Variants in EHBP1 observed in about 807,000 individuals in gnomAD.
EHBP1 encodes EH domain binding protein 1, also known as EH domain-binding protein 1.
EHBP1 carries 55 observed loss-of-function variants against 144.0 expected under a neutral mutation model. That is an observed-to-expected ratio of 0.38 (90% CI 0.31 to 0.48). EHBP1 has a LOEUF of 0.48. EHBP1 is among the 20% of genes least tolerant of loss of function. The probability of loss-of-function intolerance (pLI) is 0.98; values close to 1 mark genes in which losing one functional copy is unlikely to be tolerated. For synonymous variants in EHBP1, 469 were observed against 472.7 expected (o/e 0.99, Z 0.10); for missense variants, 1,200 against 1,364.2 (o/e 0.88, Z 1.90).
chr2:62,703,778 A>G (rs746635594), upstream of EHBP1, among the ~76,000 whole-genome samples: 1 of 152,230 alleles, frequency 6.6e-6, no homozygotes, highest in Non-Finnish European at 1.5e-5. Flanking sequence ...GACACCATTT[A>G]AAACTTATTA....
intron 5 of EHBP1, among the ~76,000 whole-genome samples, chr2:62,798,098 G>A (rs1013270394): frequency 6.6e-6 from 1 of 152,198 alleles, no homozygotes; most frequent in African/African-American, 2.4e-5. Flanking sequence ...CGGGTGTGGT[G>A]GCTCACGCCT....
chr2:62,773,850 C>CAAAAAAAAAAAAAAA (rs570715468), intron 5 of EHBP1, among the ~76,000 whole-genome samples: 9 of 41,540 alleles, frequency 2.2e-4, no homozygotes, highest in South Asian at 1.5e-3. Flanking sequence ...GACTCCATCT[C>CAAAAAAAAAAAAAAA]AAAAAAAAAA....
chr2:62,775,504 C>G (rs756445559), intron 5 of EHBP1, among the ~76,000 whole-genome samples: 3 of 152,102 alleles, frequency 2.0e-5, no homozygotes, highest in Non-Finnish European at 4.4e-5. Flanking sequence ...CCTTTCTTTT[C>G]TTTGCACATT....
At chr2:62,868,411 G>C (rs976047057) in intron 9 of EHBP1, among the ~76,000 whole-genome samples, 1 of 152,024 alleles carries the variant, frequency 6.6e-6, no homozygotes, top group Non-Finnish European at 1.5e-5. Flanking sequence ...TCTAGAAGAG[G>C]ACATAGGAAA....
intron 1 of EHBP1, among the ~76,000 whole-genome samples, chr2:62,678,591 T>G (rs1051778848): frequency 1.3e-5 from 2 of 152,196 alleles, no homozygotes; most frequent in African/African-American, 4.8e-5. Context: ...TACATTAGCT[T>G]ATTTGAGTTC....
In EHBP1 at chr2:62,942,722, G is replaced by T; in HGVS notation, c.1190G>T (p.Ser397Ile). 1 of 1,589,672 alleles carries T rather than the reference G, an allele frequency of 6.3e-7. No individual in the cohort carries two copies. Among genetic ancestry groups the T allele is most frequent in the Admixed American group, 1.8e-5 (1 of 56,762 alleles). ...GKDLSTSPKP[S>I]PIPSPVLGRK... The stretch of plus-strand genomic sequence containing the variant: ...CCCCTTTTCATTTTTTTCTAGCCAA[G>T]CCCTATACCAAGTCCTGTTTTGGGG... Residue 397 changes from serine (S) to isoleucine (I), a missense_variant, in exon 11 of 23, where the codon AGC becomes ATC. Transcript: ENST00000431489.
At chr2:62,904,178 G>T (rs1053907940) in intron 10 of EHBP1, among the ~76,000 whole-genome samples, 16 of 152,192 alleles carry the variant, frequency 1.1e-4, no homozygotes, top group African/African-American at 3.9e-4. Context: ...AAGGATTCTT[G>T]AAGGAAGTGA....
chr2:62,696,508 C>CTTTTTT (rs869081763), intron 1 of EHBP1, among the ~76,000 whole-genome samples: 30 of 76,782 alleles, frequency 3.9e-4, no homozygotes, highest in East Asian at 1.2e-3. Context: ...TTTTTTTCTT[C>CTTTTTT]TTTTTTTTTT....
chr2:63,005,810 A>G (rs2060014202), intron 19 of EHBP1, among the ~76,000 whole-genome samples: 1 of 151,984 alleles, frequency 6.6e-6, no homozygotes, highest in South Asian at 2.1e-4. Flanking sequence ...AAAAACAATC[A>G]CTATGTATTA....
chr2:62,861,211 C>T lies in EHBP1; in HGVS notation c.757+1920C>T, dbSNP rs117406658. Among the ~76,000 whole-genome samples, 57 of 145,562 alleles carry T rather than the reference C, an allele frequency of 3.9e-4. No homozygotes were observed. In the East Asian group the frequency reaches 0.012, roughly 30 times the overall value. On this transcript the variant is annotated intron_variant, in intron 8 of 22. Transcript: ENST00000431489. ...GTGGCACATTCTCGGCTCACTGCAA[C>T]GTCCAACTCTCGGGTTCAAGCGTTT...
At chr2:62,797,923 T>C (rs2043660868) in intron 5 of EHBP1, among the ~76,000 whole-genome samples, 1 of 152,158 alleles carries the variant, frequency 6.6e-6, no homozygotes, top group Non-Finnish European at 1.5e-5. Flanking sequence ...ACTAGGTAAC[T>C]AAACAAATGA....
intron 5 of EHBP1, among the ~76,000 whole-genome samples, chr2:62,800,802 CTA>C (rs1170173057): frequency 1.3e-5 from 2 of 152,150 alleles, no homozygotes; most frequent in Non-Finnish European, 2.9e-5. Flanking sequence ...TCTTTAATGT[CTA>C]TGAAAGAAGC....
chr2:62,948,850 T>C lies in EHBP1; in HGVS notation c.2004T>C (p.Ser668=), dbSNP rs1201080569. ...TAGAATTGAGTGACTTATATGTTAG[T>C]GATAAGAAGAAGGATATGTCTCCAC... ...ETLELSDLYV[S]DKKKDMSPPF... is the part of the protein sequence containing the mutation. The change falls in exon 13 of 23, where the codon AGT becomes AGC. Residue 668 remains serine (S), a synonymous_variant. Transcript: ENST00000431489. 1.2e-6 allele frequency: 2 copies of C among 1,613,936 alleles called. No individual in the cohort carries two copies. Among genetic ancestry groups the C allele is most frequent in the Non-Finnish European group, 1.7e-6 (2 of 1,179,978 alleles).
At chr2:62,681,359 T>TATATATATATATATAA (rs1553363754) in intron 1 of EHBP1, among the ~76,000 whole-genome samples, 1 of 78,356 alleles carries the variant, frequency 1.3e-5, no homozygotes, top group African/African-American at 5.3e-5. Flanking sequence ...TATATATATA[T>TATATATATATATATAA]AATGTGTATA....
intron 6 of EHBP1, among the ~76,000 whole-genome samples, chr2:62,826,967 C>T (rs972513305): frequency 2.0e-5 from 3 of 152,066 alleles, no homozygotes; most frequent in African/African-American, 7.2e-5. Flanking sequence ...AGGGTTCGTA[C>T]CTACATGGAG....
chr2:62,902,547 T>C (rs987004813), intron 10 of EHBP1, among the ~76,000 whole-genome samples: 32 of 152,310 alleles, frequency 2.1e-4, no homozygotes, highest in African/African-American at 7.7e-4. Flanking sequence ...TTTTCAAAAA[T>C]ATGGATGGCT....
intron 5 of EHBP1, among the ~76,000 whole-genome samples, chr2:62,811,962 T>A (rs1234498122): frequency 1.3e-5 from 2 of 152,116 alleles, no homozygotes; most frequent in Non-Finnish European, 2.9e-5. Flanking sequence ...TGTTGAGAGG[T>A]GGGACCTTTA....
intron 21 of EHBP1, 22 bp downstream of exon 21, chr2:63,038,838 T>A: frequency 6.3e-7 from 1 of 1,599,134 alleles, no homozygotes; most frequent in Non-Finnish European, 8.6e-7. Flanking sequence ...TATGGTGGGG[T>A]GAGGTATGTG....
At chr2:62,730,749 GAGAA>G (rs778307814) in intron 2 of EHBP1, among the ~76,000 whole-genome samples, 13 of 113,352 alleles carry the variant, frequency 1.1e-4, no homozygotes, top group East Asian at 7.3e-4. Context: ...TACACAAAGA[GAGAA>G]AGAAAGAGAG....
Sources: allele counts gnomAD v4.1 joint callset (sites outside exome capture counted in the v4.1 genomes callset), GRCh38; gene constraint gnomAD v4.1.1; transcripts MANE v1.5; gene names NCBI Gene and HGNC (gene_info 2026-07-23, HGNC 2026-07-21).